ITGB8: variants seen among roughly 807,000 people sequenced by gnomAD.
ITGB8 encodes the protein integrin beta-8.
In ITGB8, 30 loss-of-function variants were observed where a neutral mutation model predicts 89.5. That is an observed-to-expected ratio of 0.34 (90% CI 0.25 to 0.45). The LOEUF (loss-of-function observed/expected upper bound fraction) is 0.45, where lower values mean the gene tolerates loss of function less well. ITGB8 is among the 20% of genes least tolerant of loss of function. The pLI is 1.00. For synonymous variants in ITGB8, 335 were observed against 320.4 expected (o/e 1.05, Z -0.49); for missense variants, 836 against 933.3 (o/e 0.90, Z 1.36).
intron 1 of ITGB8, among the ~76,000 whole-genome samples, chr7:20,341,480 T>C (rs1277537488): frequency 6.6e-6 from 1 of 152,174 alleles, no homozygotes; most frequent in Non-Finnish European, 1.5e-5. Context: ...GTCAGGTTGA[T>C]ACTGAAAATA....
In ITGB8 at chr7:20,415,351, G is replaced by T. The variant is rs1384367137; in HGVS notation, c.*5354G>T. ...TATTTTGTTTCACCTAACGAATACT[G>T]CGTTTGTAAAAATAAATTTAATATA... On this transcript the variant is annotated 3_prime_UTR_variant, in exon 14 of 14. Coordinates refer to ENST00000222573, the MANE Select transcript of ITGB8 (RefSeq NM_002214.3). The T allele has an allele frequency of 1.3e-5, 2 of 151,498 alleles. No individual in the cohort carries two copies. The highest frequency in any genetic ancestry group is 4.8e-5 in the African/African-American group (2 of 41,310). The allele number at this position is 151,498 out of a possible 1,614,324, so 9.4% of individuals were successfully genotyped here.
At chr7:20,355,030 A>C (rs1785243008) in intron 1 of ITGB8, among the ~76,000 whole-genome samples, 1 of 152,182 alleles carries the variant, frequency 6.6e-6, no homozygotes, top group Non-Finnish European at 1.5e-5. Context: ...GGGCTGGTGC[A>C]CCCATCCCCA....
At chr7:20,351,646 C>T (rs1317856581) in intron 1 of ITGB8, among the ~76,000 whole-genome samples, 3 of 152,194 alleles carry the variant, frequency 2.0e-5, no homozygotes, top group South Asian at 4.2e-4. Flanking sequence ...AAAGGAAAAC[C>T]AAATCCTAAG....
intron 4 of ITGB8, 60 bp downstream of exon 4, chr7:20,379,357 G>GT: frequency 8.4e-7 from 1 of 1,187,652 alleles, no homozygotes; most frequent in Non-Finnish European, 1.1e-6. Flanking sequence ...ATCTCACTTT[G>GT]TTTTTAATGT....
intron 12 of ITGB8, among the ~76,000 whole-genome samples, chr7:20,406,533 A>G (rs1787552133): frequency 7.9e-6 from 1 of 125,888 alleles, no homozygotes; most frequent in African/African-American, 3.3e-5. Flanking sequence ...CTGGGCAACA[A>G]GAGAGGAACC....
In ITGB8 at chr7:20,401,859, A is replaced by T. The variant is rs752585612; in HGVS notation, c.1420A>T (p.Asn474Tyr). ...HRNCSCQCED[N>Y]RGPKGKCVDE... ...AAACTGCAGCTGTCAGTGTGAGGAC[A>T]ACAGAGGACCTAAAGGAAAGTGTGT... Residue 474 changes from asparagine to tyrosine, a missense_variant, in exon 10 of 14, where the codon AAC becomes TAC. Around this residue, in one of 5 missense-constraint regions of ITGB8, gnomAD observed 422 missense variants for 416.9 expected, o/e 1.01. Transcript: ENST00000222573. 6.2e-7 allele frequency: 1 copy of T among 1,614,126 alleles called. No individual in the cohort carries two copies. The highest frequency in any genetic ancestry group is 1.1e-5 in the South Asian group (1 of 91,044).
rs373535086 is a variant in ITGB8, at chr7:20,357,603, C to T, written c.128-6034C>T. 5.3e-4 allele frequency among the ~76,000 whole-genome samples: 80 copies of T among 152,280 alleles called. 1 individual carries two copies. The highest frequency in any genetic ancestry group is 1.8e-3 in the African/African-American group (74 of 41,566). On this transcript the variant is annotated intron_variant, in intron 1 of 13. Transcript: ENST00000222573. The stretch of plus-strand genomic sequence containing the variant: ...TATCGAATGCCTACTATGCCGTGAG[C>T]ACTCTGTTGGGATGCTTTACCTTAC...
At chr7:20,332,818 C>T (rs10256042) in intron 1 of ITGB8, among the ~76,000 whole-genome samples, 41,746 of 152,050 alleles carry the variant, frequency 0.27, 6,508 homozygotes, top group Non-Finnish European at 0.35. Context: ...TGGAAAATTA[C>T]ACAACTAAGT....
chr7:20,337,414 A>G lies in ITGB8; in HGVS notation c.127+5481A>G, dbSNP rs77001479. 1.2e-4 allele frequency among the ~76,000 whole-genome samples: 19 copies of G among 152,334 alleles called. No homozygotes were observed. In the East Asian group the frequency reaches 2.7e-3, roughly 22 times the overall value. ...ACTTTCTTAAAGCACATACAGCTTT[A>G]TGACAGGCACTATACTGAGTTCTGG... On this transcript the variant is annotated intron_variant, in intron 1 of 13. Transcript: ENST00000222573.
In ITGB8 at chr7:20,412,562, C is replaced by T. The variant is rs1048308469; in HGVS notation, c.*2565C>T. ...AGTTTATATTTTTTTTATACCCTCACTTGTTTGCACTAACTTTATAGTGGA... is the reference window on the plus strand; with the variant it reads ...AGTTTATATTTTTTTTATACCCTCATTTGTTTGCACTAACTTTATAGTGGA... On this transcript the variant is annotated 3_prime_UTR_variant, in exon 14 of 14. Transcript: ENST00000222573. 1 of 152,538 alleles carries T rather than the reference C, an allele frequency of 6.6e-6. No homozygotes were observed. Among genetic ancestry groups the T allele is most frequent in the Non-Finnish European group, 1.5e-5 (1 of 67,998 alleles). The allele number at this position is 152,538 out of a possible 1,614,324, so 9.4% of individuals were successfully genotyped here. A position where few individuals can be genotyped will look rare whatever the true frequency, so the allele number is the denominator to read the frequency against.
Position 20,379,130 on chromosome 7 carries a change from A to T in ITGB8, c.468A>T (p.Ser156=). 1 of 1,603,444 alleles carries T rather than the reference A, an allele frequency of 6.2e-7. No individual in the cohort carries two copies. The highest frequency in any genetic ancestry group is 8.5e-7 in the Non-Finnish European group (1 of 1,172,804). The stretch of plus-strand genomic sequence containing the variant: ...ATCTTTATTATCTTGTTGATGTCTC[A>T]GCATCAATGCACAATAATATAGAAA... The part of the protein sequence containing the change: ...PVDLYYLVDV[S]ASMHNNIEKL... The change falls in exon 4 of 14, where the codon TCA becomes TCT. Residue 156 remains serine, a synonymous_variant. Transcript: ENST00000222573.
chr7:20,409,847 TTAA>T (rs746538477), intron 13 of ITGB8, 25 bp from the exon 14 acceptor site: 117 of 1,611,278 alleles, frequency 7.3e-5, no homozygotes, highest in Middle Eastern at 1.7e-4. Flanking sequence ...AGGCCCTTAG[TTAA>T]TAATAATATT....
intron 3 of ITGB8, among the ~76,000 whole-genome samples, chr7:20,369,884 C>T (rs1396383931): frequency 6.6e-6 from 1 of 151,934 alleles, no homozygotes; most frequent in African/African-American, 2.4e-5. Flanking sequence ...AAACTCTAGT[C>T]CTATAAGCCA....
rs146098191 is a variant in ITGB8 at position 20,359,081 on chromosome 7, A to G, written c.128-4556A>G. The stretch of plus-strand genomic sequence containing the variant: ...GGCTGTGTTGTGTTCCATGTTGTAC[A>G]TGTACCACATTTTCTTTATCCAGCC... On this transcript the variant is annotated intron_variant, in intron 1 of 13. Transcript: ENST00000222573. Among the ~76,000 whole-genome samples the G allele has an allele frequency of 1.3e-3, 196 of 152,308 alleles. 3 individuals carry two copies. The highest frequency in any genetic ancestry group is 6.8e-3 in the Middle Eastern group (2 of 294).
intron 10 of ITGB8, among the ~76,000 whole-genome samples, chr7:20,402,337 G>A (rs1318603005): frequency 6.6e-6 from 1 of 152,142 alleles, no homozygotes; most frequent in Non-Finnish European, 1.5e-5. Context: ...TACAGGAAAT[G>A]CTTCAAAATA....
intron 6 of ITGB8, among the ~76,000 whole-genome samples, chr7:20,382,326 G>C (rs1230803903): frequency 6.6e-6 from 1 of 152,088 alleles, no homozygotes; most frequent in East Asian, 1.9e-4. Context: ...GAGAGAAAGA[G>C]AGTCAAACAA....
chr7:20,348,182 G>A (rs1784991925), intron 1 of ITGB8, among the ~76,000 whole-genome samples: 2 of 152,128 alleles, frequency 1.3e-5, no homozygotes, highest in African/African-American at 4.8e-5. Context: ...TTATGGATTT[G>A]ATAAGAAAGA....
At chr7:20,366,922 A>T in intron 2 of ITGB8, 90 bp from the exon 3 acceptor site, 1 of 868,106 alleles carries the variant, frequency 1.2e-6, no homozygotes, top group Non-Finnish European at 1.8e-6. Context: ...ATGATATAAA[A>T]TACCAAAAAT....
At chr7:20,402,255 A>C (rs1787343819) in intron 10 of ITGB8, 129 bp downstream of exon 10, 1 of 817,402 alleles carries the variant, frequency 1.2e-6, no homozygotes, top group Non-Finnish European at 1.8e-6. Flanking sequence ...AAAGTTTCAA[A>C]GTCCATGAAA....
Sources: gnomAD v4.1 joint callset for allele counts (sites outside exome capture counted in the v4.1 genomes callset) on GRCh38, gnomAD v4.1.1 for gene constraint, gnomAD v4.1.1 regional missense constraint, MANE v1.5 for transcripts, NCBI Gene and HGNC (gene_info 2026-07-23, HGNC 2026-07-21) for gene names.